Variants in CCDC148 observed in about 807,000 individuals in gnomAD.
CCDC148 encodes the protein coiled-coil domain-containing protein 148.
CCDC148 carries 89 observed loss-of-function variants against 85.7 expected under a neutral mutation model. The observed-to-expected ratio is 1.04, with a 90% confidence interval of 0.87 to 1.24. The LOEUF is 1.24. CCDC148 is among the 50% of genes most tolerant of loss of function. CCDC148 has a pLI of 0.00. For missense variants in CCDC148, 692 were observed against 671.7 expected (o/e 1.03, Z -0.33); for synonymous variants, 230 against 213.9 (o/e 1.08, Z -0.66).
chr2:158,340,536 T>C, intron 4 of CCDC148, 62 bp downstream of exon 4: 1 of 1,372,322 alleles, frequency 7.3e-7, no homozygotes, highest in South Asian at 1.3e-5. Context: ...ATGAAGTGAG[T>C]GGCCCATTCT....
chr2:158,193,804 C>A (rs894907715), intron 11 of CCDC148, among the ~76,000 whole-genome samples: 3 of 151,460 alleles, frequency 2.0e-5, no homozygotes, highest in Non-Finnish European at 2.9e-5. Context: ...TAAAATAATC[C>A]ATTTGCATAA....
rs137996555 is a variant in CCDC148 at position 158,405,613 on chromosome 2, G to A, written c.26-47043C>T. ...AAAATAAGTGTAAAATATTTTTAGC[G>A]TAATCATTTATGTGAATAAAATGTG... On this transcript the variant is annotated intron_variant, in intron 1 of 13. Coordinates refer to ENST00000283233, the MANE Select transcript of CCDC148 (RefSeq NM_138803.4). Among the ~76,000 whole-genome samples the A allele has an allele frequency of 6.9e-3, 1,047 of 152,214 alleles. 14 individuals are homozygous for A. Among genetic ancestry groups the A allele is most frequent in the African/African-American group, 0.024 (993 of 41,558 alleles).
At chr2:158,205,881 A>G (rs1417349448) in intron 11 of CCDC148, among the ~76,000 whole-genome samples, 1 of 152,116 alleles carries the variant, frequency 6.6e-6, no homozygotes. Flanking sequence ...GGTAACTAGA[A>G]TGTCTTATAG....
chr2:158,209,515 G>C (rs570141425), intron 11 of CCDC148, among the ~76,000 whole-genome samples: 23 of 152,258 alleles, frequency 1.5e-4, no homozygotes, highest in Non-Finnish European at 3.1e-4. Flanking sequence ...TGCTGTGGAA[G>C]ACCTGCAAAG....
At chr2:158,303,562 T>C (rs995354510) in intron 9 of CCDC148, among the ~76,000 whole-genome samples, 8 of 152,266 alleles carry the variant, frequency 5.3e-5, no homozygotes, top group Non-Finnish European at 1.0e-4. Context: ...TTTTCTTTTA[T>C]GATATCATTC....
chr2:158,227,121 A>C (rs1323871593), intron 10 of CCDC148, among the ~76,000 whole-genome samples: 1 of 152,198 alleles, frequency 6.6e-6, no homozygotes, highest in Non-Finnish European at 1.5e-5. Context: ...CAGGATACAA[A>C]ATCAATGTAC....
In CCDC148 at chr2:158,248,367, A is replaced by G. The variant is rs575655659; in HGVS notation, c.1251+2405T>C. Among the ~76,000 whole-genome samples the G allele has an allele frequency of 4.6e-5, 7 of 152,282 alleles. No individual in the cohort carries two copies. The South Asian group carries it at 1.2e-3, about 27-fold the overall frequency. Reference sequence around the variant, plus strand: ...TGAAAAATGTTAACATTTTAATGCTAGCCAATGTGTACTAATGTCTATATC... The same window carrying G: ...TGAAAAATGTTAACATTTTAATGCTGGCCAATGTGTACTAATGTCTATATC... On this transcript the variant is annotated intron_variant, in intron 10 of 13. Transcript: ENST00000283233.
At chr2:158,370,198 T>C (rs1037798006) in intron 1 of CCDC148, among the ~76,000 whole-genome samples, 1 of 152,076 alleles carries the variant, frequency 6.6e-6, no homozygotes, top group African/African-American at 2.4e-5. Flanking sequence ...ACCTAGGTGA[T>C]GGGTTGATAC....
chr2:158,404,170 C>T (rs1173910261), intron 1 of CCDC148, among the ~76,000 whole-genome samples: 1 of 152,072 alleles, frequency 6.6e-6, no homozygotes, highest in African/African-American at 2.4e-5. Context: ...ACAGATCTCA[C>T]AGATTGACCA....
Position 158,356,674 on chromosome 2 carries a change from G to C in CCDC148, c.147+1775C>G, listed in dbSNP as rs1310816858. 4.1e-5 allele frequency among the ~76,000 whole-genome samples: 6 copies of C among 145,900 alleles called. No homozygotes were observed. The South Asian group carries it at 9.0e-4, about 22-fold the overall frequency. Reference sequence around the variant, plus strand: ...CAACCATTGTGGAAGTCAGTGTGGCGATTCCTCAGGGATCTAGAACTGGAA... The same window carrying C: ...CAACCATTGTGGAAGTCAGTGTGGCCATTCCTCAGGGATCTAGAACTGGAA... On this transcript the variant is annotated intron_variant, in intron 2 of 13. Transcript: ENST00000283233.
At chr2:158,242,678 T>C (rs1475859051) in intron 10 of CCDC148, among the ~76,000 whole-genome samples, 1 of 151,872 alleles carries the variant, frequency 6.6e-6, no homozygotes, top group African/African-American at 2.4e-5. Flanking sequence ...TCTTCATCTT[T>C]ATTCTGGTAA....
At chr2:158,419,233 C>T (rs550552313) in intron 1 of CCDC148, among the ~76,000 whole-genome samples, 1 of 152,228 alleles carries the variant, frequency 6.6e-6, no homozygotes, top group South Asian at 2.1e-4. Context: ...AATTAAAACT[C>T]ACAATGCCTA....
intron 9 of CCDC148, among the ~76,000 whole-genome samples, chr2:158,305,041 CA>C (rs371171236): frequency 6.6e-6 from 1 of 151,770 alleles, no homozygotes; most frequent in African/African-American, 2.4e-5. Context: ...AGAGTGCTCA[CA>C]AAAAAAATAT....
At chr2:158,385,096 A>C (rs1195017235) in intron 1 of CCDC148, among the ~76,000 whole-genome samples, 1 of 152,074 alleles carries the variant, frequency 6.6e-6, no homozygotes, top group African/African-American at 2.4e-5. Flanking sequence ...GGCCCTCTCT[A>C]TCTTCAAAGC....
chr2:158,172,057 C>T lies in CCDC148; in HGVS notation c.*56G>A. On this transcript the variant is annotated 3_prime_UTR_variant, in exon 14 of 14. Coordinates refer to ENST00000283233, the MANE Select transcript of CCDC148 (RefSeq NM_138803.4). ...TTAGAAAGTAGTAATTATTATTATC[C>T]ATATACATGTTTTCAAAGAAAAATG... 1.5e-5 allele frequency: 17 copies of T among 1,164,352 alleles called. No homozygotes were observed. Among genetic ancestry groups the T allele is most frequent in the Middle Eastern group, 2.5e-4 (1 of 3,962 alleles). The allele number at this position is 1,164,352 out of a possible 1,614,324, so 72.1% of individuals were successfully genotyped here.
At chr2:158,315,003 A>C (rs1376187960) in intron 7 of CCDC148, among the ~76,000 whole-genome samples, 2 of 152,238 alleles carry the variant, frequency 1.3e-5, no homozygotes, top group African/African-American at 2.4e-5. Context: ...AGCAAGAAAG[A>C]AAAATTCTTT....
chr2:158,242,321 C>T (rs1222787010), intron 10 of CCDC148, among the ~76,000 whole-genome samples: 1 of 152,142 alleles, frequency 6.6e-6, no homozygotes. Context: ...TACCATTCCA[C>T]TGGGGTAACA....
intron 1 of CCDC148, among the ~76,000 whole-genome samples, chr2:158,375,326 T>G (rs1446434810): frequency 3.9e-5 from 6 of 152,128 alleles, no homozygotes; most frequent in Non-Finnish European, 7.4e-5. Flanking sequence ...TTGTTCTGCC[T>G]TGTAAGATAA....
intron 7 of CCDC148, among the ~76,000 whole-genome samples, chr2:158,319,805 C>G (rs900685149): frequency 6.6e-6 from 1 of 152,178 alleles, no homozygotes; most frequent in Admixed American, 6.5e-5. Flanking sequence ...TGGGGAGAGA[C>G]CAGCATCTAA....
Sources: allele counts gnomAD v4.1 joint callset (sites outside exome capture counted in the v4.1 genomes callset), GRCh38; gene constraint gnomAD v4.1.1; transcripts MANE v1.5; gene names NCBI Gene and HGNC (gene_info 2026-07-23, HGNC 2026-07-21).